The following THSD4 variants were observed in gnomAD, a reference collection of about 807,000 sequenced individuals.
THSD4 encodes thrombospondin type 1 domain containing 4.
THSD4 carries 69 observed loss-of-function variants against 119.0 expected under a neutral mutation model. The observed-to-expected ratio is 0.58, with a 90% CI of 0.48 to 0.71. The LOEUF is 0.71. THSD4 is among the 30% of genes least tolerant of loss of function. The pLI, the probability that THSD4 is intolerant of heterozygous loss-of-function variation, is 0.00. For missense variants in THSD4, 1,393 were observed against 1,391.1 expected (o/e 1.00, Z -0.02); for synonymous variants, 524 against 540.4 (o/e 0.97, Z 0.42).
At chr15:71,267,976 T>C (rs2044482496) in intron 6 of THSD4, among the ~76,000 whole-genome samples, 1 of 152,158 alleles carries the variant, frequency 6.6e-6, no homozygotes. Context: ...CTTAGAGACC[T>C]ACAAAGGGAC....
intron 8 of THSD4, among the ~76,000 whole-genome samples, chr15:71,710,724 C>T (rs2052493985): frequency 6.6e-6 from 1 of 152,170 alleles, no homozygotes. Flanking sequence ...CTGCAGTGAG[C>T]AGAGCAGGTC....
At chr15:71,776,696 A>C (rs1197238970) in intron 17 of THSD4, among the ~76,000 whole-genome samples, 2 of 152,230 alleles carry the variant, frequency 1.3e-5, no homozygotes, top group Non-Finnish European at 2.9e-5. Context: ...CTAGAAAAAA[A>C]AAATTGGATT....
intron 7 of THSD4, among the ~76,000 whole-genome samples, chr15:71,448,945 G>A (rs997266391): frequency 2.0e-5 from 3 of 152,180 alleles, no homozygotes; most frequent in Non-Finnish European, 4.4e-5. Context: ...GGTGAAAACT[G>A]GGGACTGGCT....
intron 6 of THSD4, among the ~76,000 whole-genome samples, chr15:71,395,255 C>T (rs1015908265): frequency 7.9e-5 from 12 of 152,232 alleles, no homozygotes; most frequent in South Asian, 4.1e-4. Context: ...AACCCCAAAA[C>T]GGGGAGCTCA....
At chr15:71,108,694 G>A (rs993211374) in intron 1 of THSD4, among the ~76,000 whole-genome samples, 8 of 152,108 alleles carry the variant, frequency 5.3e-5, no homozygotes, top group African/African-American at 1.4e-4. Flanking sequence ...TTTTTAATCT[G>A]AATAAGAGAA....
intron 7 of THSD4, among the ~76,000 whole-genome samples, chr15:71,598,011 T>C (rs2049937925): frequency 1.3e-5 from 2 of 152,108 alleles, no homozygotes; most frequent in Non-Finnish European, 2.9e-5. Context: ...GAATAAGTCA[T>C]GGTTCAGGCC....
At chr15:71,412,405 A>G (rs2046702058) in intron 7 of THSD4, among the ~76,000 whole-genome samples, 1 of 152,220 alleles carries the variant, frequency 6.6e-6, no homozygotes, top group East Asian at 1.9e-4. Context: ...TGGGATGCTC[A>G]GTGTTGACAG....
At chr15:71,116,021 C>T (rs1640143937) in intron 1 of THSD4, among the ~76,000 whole-genome samples, 1 of 152,222 alleles carries the variant, frequency 6.6e-6, no homozygotes, top group African/African-American at 2.4e-5. Context: ...CCACCTCAGT[C>T]GTCCCCGGGT....
chr15:71,774,014 G>T (rs927383526), intron 17 of THSD4, among the ~76,000 whole-genome samples: 3 of 152,098 alleles, frequency 2.0e-5, no homozygotes, highest in Non-Finnish European at 4.4e-5. Flanking sequence ...TAAAGGAAAT[G>T]AACAAACTCA....
chr15:71,152,069 A>G (rs1306884310), intron 2 of THSD4, among the ~76,000 whole-genome samples: 2 of 152,168 alleles, frequency 1.3e-5, no homozygotes, highest in Admixed American at 1.3e-4. Context: ...CTAATTTCAT[A>G]TTATTGTCCC....
chr15:71,527,554 T>G (rs1339471329), intron 7 of THSD4, among the ~76,000 whole-genome samples: 1 of 152,086 alleles, frequency 6.6e-6, no homozygotes, highest in Non-Finnish European at 1.5e-5. Context: ...AAACCACTGA[T>G]CCATTCCCGA....
At chr15:71,261,220 A>G (rs2044394646) in intron 6 of THSD4, among the ~76,000 whole-genome samples, 1 of 152,126 alleles carries the variant, frequency 6.6e-6, no homozygotes, top group Admixed American at 6.5e-5. Context: ...GCACCATGGG[A>G]AGACACAGAC....
chr15:71,498,320 T>C (rs892868296), intron 7 of THSD4, among the ~76,000 whole-genome samples: 11 of 152,216 alleles, frequency 7.2e-5, no homozygotes, highest in African/African-American at 1.9e-4. Context: ...TAGGGTCCAT[T>C]GCAAGTTGAA....
intron 8 of THSD4, among the ~76,000 whole-genome samples, chr15:71,672,686 T>C (rs1244894025): frequency 6.6e-6 from 1 of 152,228 alleles, no homozygotes; most frequent in Non-Finnish European, 1.5e-5. Flanking sequence ...TATTGAGAGT[T>C]TTTAGCATGA....
intron 7 of THSD4, among the ~76,000 whole-genome samples, chr15:71,436,221 T>C (rs2047011546): frequency 6.6e-6 from 1 of 152,212 alleles, no homozygotes; most frequent in African/African-American, 2.4e-5. Context: ...ATAGGGGTTT[T>C]AGGCCTATGT....
In THSD4 at chr15:71,724,442, C is replaced by T. The variant is rs2052795307; in HGVS notation, c.1358-4107C>T. ...CTGGGACTACAGGTGCCCACCACCACGCCCAGCTAATTTTTTGTATTTTTA... is the reference window on the plus strand; with the variant it reads ...CTGGGACTACAGGTGCCCACCACCATGCCCAGCTAATTTTTTGTATTTTTA... On this transcript the variant is annotated intron_variant, in intron 8 of 17. Transcript: ENST00000261862. Among the ~76,000 whole-genome samples, 6 of 151,090 alleles carry T rather than the reference C, an allele frequency of 4.0e-5. No homozygotes were observed. In the South Asian group the frequency reaches 6.4e-4, roughly 16 times the overall value.
chr15:71,119,728 C>T (rs1447124630), intron 1 of THSD4, among the ~76,000 whole-genome samples: 4 of 152,202 alleles, frequency 2.6e-5, no homozygotes, highest in Non-Finnish European at 4.4e-5. Flanking sequence ...TGGTTTGGGA[C>T]CCCCCGAATA....
intron 6 of THSD4, among the ~76,000 whole-genome samples, chr15:71,306,861 C>T (rs181722730): frequency 9.3e-4 from 142 of 152,286 alleles, no homozygotes; most frequent in African/African-American, 3.3e-3. Context: ...TATTAATATC[C>T]TTGTTGCACT....
chr15:71,398,308 G>A (rs2140480412), intron 6 of THSD4, among the ~76,000 whole-genome samples: 1 of 152,220 alleles, frequency 6.6e-6, no homozygotes, highest in East Asian at 1.9e-4. Context: ...TGGTTCTTTA[G>A]GAGTGGTGGG....
Sources: allele counts gnomAD v4.1 joint callset (sites outside exome capture counted in the v4.1 genomes callset), GRCh38; gene constraint gnomAD v4.1.1; transcripts MANE v1.5; gene names NCBI Gene and HGNC (gene_info 2026-07-23, HGNC 2026-07-21).